ANXA1: variants seen among roughly 807,000 people sequenced by gnomAD.
ANXA1 encodes the protein annexin I (lipocortin I).
ANXA1 carries 39 observed loss-of-function variants against 47.9 expected under a neutral mutation model. The observed-to-expected ratio is 0.81, with a 90% CI of 0.63 to 1.06. The LOEUF (loss-of-function observed/expected upper bound fraction) is 1.06, where lower values mean the gene tolerates loss of function less well. Among genes scored for constraint, ANXA1 ranks in the 50% least tolerant of loss-of-function variants. ANXA1 has a pLI of 0.00. For missense variants in ANXA1, 446 were observed against 422.7 expected, an observed-to-expected ratio of 1.06 and a Z score of -0.48; for synonymous variants, 146 against 142.5, an observed-to-expected ratio of 1.02 and a Z score of -0.17.
chr9:73,169,346 C>T (rs1399692886), intron 12 of ANXA1, among the ~76,000 whole-genome samples, 192 bp downstream of exon 12: 1 of 152,016 alleles, frequency 6.6e-6, no homozygotes, highest in East Asian at 1.9e-4. Context: ...TACTGAAATA[C>T]TGGGTACATT....
intron 1 of ANXA1, among the ~76,000 whole-genome samples, chr9:73,156,707 T>A (rs1824053775): frequency 6.6e-6 from 1 of 152,210 alleles, no homozygotes; most frequent in Non-Finnish European, 1.5e-5. Context: ...GGAATCAGTT[T>A]ATGGAATCAG....
chr9:73,154,226 C>T (rs1362543311), intron 1 of ANXA1: 8 of 1,075,976 alleles, frequency 7.4e-6, no homozygotes, highest in East Asian at 5.3e-5. Context: ...TTGTGAAATA[C>T]ATATTCGAGG....
rs1278581797 is a variant in ANXA1 at position 73,169,025 on chromosome 9, T to C, written c.862-7T>C. 6.2e-7 allele frequency: 1 copy of C among 1,600,248 alleles called. No individual in the cohort carries two copies. On this transcript the variant is annotated splice_region_variant and splice_polypyrimidine_tract_variant and intron_variant, in intron 11 of 12. Coordinates refer to ENST00000257497, the MANE Select transcript of ANXA1 (RefSeq NM_000700.3). Reference sequence around the variant, plus strand: ...ATGAGACACTTACCCTCATTTATTTTGGCCAGGGTGTTGGAACTCGCCATA... The same window carrying C: ...ATGAGACACTTACCCTCATTTATTTCGGCCAGGGTGTTGGAACTCGCCATA...
At chr9:73,153,640 A>T (rs1294668082) in intron 1 of ANXA1, among the ~76,000 whole-genome samples, 1 of 152,182 alleles carries the variant, frequency 6.6e-6, no homozygotes, top group East Asian at 1.9e-4. Context: ...GAACCAGTAT[A>T]CTTCAATTTG....
At chr9:73,153,178 A>G (rs10869229) in intron 1 of ANXA1, among the ~76,000 whole-genome samples, 52,769 of 152,108 alleles carry the variant, frequency 0.35, 11,491 homozygotes, top group Non-Finnish European at 0.49. Context: ...TTGACAAAAT[A>G]GTTAATAATA....
At chr9:73,168,297 C>T (rs1184981742) in intron 11 of ANXA1, 1 of 152,052 alleles carries the variant, frequency 6.6e-6, no homozygotes, top group Non-Finnish European at 1.5e-5. Flanking sequence ...TAGTTGCTGC[C>T]CCCTTTCTGC....
chr9:73,157,042 A>T (rs911289806), intron 1 of ANXA1, among the ~76,000 whole-genome samples: 6 of 152,284 alleles, frequency 3.9e-5, no homozygotes, highest in African/African-American at 1.4e-4. Context: ...TTCCTTTAAG[A>T]TAGAGTTTGC....
chr9:73,161,462 T>C (rs1157255848), intron 6 of ANXA1, among the ~76,000 whole-genome samples: 1 of 152,150 alleles, frequency 6.6e-6, no homozygotes, highest in Non-Finnish European at 1.5e-5. Flanking sequence ...ATTTTATCTC[T>C]CCAGTGAAGC....
At chr9:73,160,165 G>A in intron 4 of ANXA1, 98 bp from the exon 5 acceptor site, 1 of 721,522 alleles carries the variant, frequency 1.4e-6, no homozygotes. Context: ...TTGGGTTTAG[G>A]GATGAGTTGT....
In ANXA1 at chr9:73,159,241, C is replaced by A; in HGVS notation, c.176-88C>A. On this transcript the variant is annotated intron_variant, in intron 3 of 12. Coordinates refer to ENST00000257497, the MANE Select transcript of ANXA1 (RefSeq NM_000700.3). ...ATATTTCTTAATTTGTTAAGAAGTT[C>A]TTTTGGAGCATCTCAGTAATGAATT... 3.8e-6 allele frequency: 4 copies of A among 1,065,342 alleles called. No homozygotes were observed. The South Asian group carries it at 4.1e-5, about 11-fold the overall frequency. The allele number at this position is 1,065,342 out of a possible 1,614,324, so 66.0% of individuals were successfully genotyped here.
chr9:73,167,433 T>A, intron 10 of ANXA1, 64 bp from the exon 11 acceptor site: 2 of 1,472,804 alleles, frequency 1.4e-6, no homozygotes, highest in South Asian at 2.3e-5. Context: ...TTCCTGTTTC[T>A]TTCATATGGA....
rs772901182 is a variant in ANXA1 at position 73,166,122 on chromosome 9, T to C, written c.732T>C (p.Ser244=). ...TGTTTCAGAAATACACCAAGTACAG[T>C]AAGCATGACATGAACAAAGTTCTGG... ...RRVFQKYTKY[S]KHDMNKVLDL... Residue 244 remains serine (S), a synonymous_variant, in exon 10 of 13, where the codon AGT becomes AGC. Transcript: ENST00000257497. 46 of 1,611,720 alleles carry C rather than the reference T, an allele frequency of 2.9e-5. 1 individual carries two copies. The highest frequency in any genetic ancestry group is 3.3e-5 in the Non-Finnish European group (39 of 1,178,706).
At chr9:73,159,460 G>A (rs1175797497) in intron 4 of ANXA1, 37 bp downstream of exon 4, 1 of 1,564,618 alleles carries the variant, frequency 6.4e-7, no homozygotes, top group Non-Finnish European at 8.8e-7. Flanking sequence ...TTTAATTTCA[G>A]CATAGTTATA....
In ANXA1 at chr9:73,170,165, C is replaced by T; in HGVS notation, c.*58C>T. ...AAGACTTTAATTATATATTTTCATC[C>T]TATAAGCTTAAATAGGAAAGTTTCT... On this transcript the variant is annotated 3_prime_UTR_variant, in exon 13 of 13. Coordinates refer to ENST00000257497, the MANE Select transcript of ANXA1 (RefSeq NM_000700.3). The T allele has an allele frequency of 2.1e-6, 3 of 1,451,130 alleles. No individual in the cohort carries two copies. Among genetic ancestry groups the T allele is most frequent in the Non-Finnish European group, 2.8e-6 (3 of 1,062,828 alleles). The allele number at this position is 1,451,130 out of a possible 1,614,324, so 89.9% of individuals were successfully genotyped here. A position where few individuals can be genotyped will look rare whatever the true frequency, so the allele number is the denominator to read the frequency against.
At position 73,163,477 on chromosome 9, in the gene ANXA1, G is replaced by T; in HGVS notation, c.557G>T (p.Gly186Val). Residue 186 changes from glycine (G) to valine (V), a missense_variant and splice_region_variant, in exon 8 of 13, where the codon GGT becomes GTT. Gly to Val is a moderately radical substitution (Grantham distance 109). Coordinates refer to ENST00000257497, the MANE Select transcript of ANXA1 (RefSeq NM_000700.3). ...ACAATAGAATGGGATTTCTTTCAGG[G>T]TGACCGATCTGAGGACTTTGGTGTG... ...FRNALLSLAK[G>V]DRSEDFGVNE... 6.2e-7 allele frequency: 1 copy of T among 1,612,792 alleles called. No individual in the cohort carries two copies. The highest frequency in any genetic ancestry group is 8.5e-7 in the Non-Finnish European group (1 of 1,179,086).
At chr9:73,163,428 C>G in intron 7 of ANXA1, 48 bp from the exon 8 acceptor site, 1 of 1,525,562 alleles carries the variant, frequency 6.6e-7, no homozygotes, top group Non-Finnish European at 9.0e-7. Context: ...GTAAATCATG[C>G]AATTACATGC....
intron 1 of ANXA1, among the ~76,000 whole-genome samples, chr9:73,152,346 T>C (rs1823985588): frequency 6.6e-6 from 1 of 152,178 alleles, no homozygotes; most frequent in Non-Finnish European, 1.5e-5. Context: ...ACAAAAGTGA[T>C]AGGAGTGGGC....
chr9:73,154,257 T>C, intron 1 of ANXA1: 1 of 1,315,408 alleles, frequency 7.6e-7, no homozygotes, highest in African/African-American at 1.5e-5. Context: ...CACAAGGCCG[T>C]GCATTTAAAA....
chr9:73,170,021 C>T (rs368073108), intron 12 of ANXA1, 30 bp from the exon 13 acceptor site: 14 of 1,549,322 alleles, frequency 9.0e-6, no homozygotes, highest in Non-Finnish European at 1.2e-5. Flanking sequence ...TTTCGACTAA[C>T]ATTAAGTATA....
Sources: gnomAD v4.1 joint callset for allele counts (sites outside exome capture counted in the v4.1 genomes callset) on GRCh38, gnomAD v4.1.1 for gene constraint, MANE v1.5 for transcripts, NCBI Gene and HGNC (gene_info 2026-07-23, HGNC 2026-07-21) for gene names.